The following LPGAT1 variants were observed in gnomAD, a reference collection of about 807,000 sequenced individuals.
LPGAT1 encodes acyl-CoA:lysophosphatidylglycerol acyltransferase 1.
A neutral mutation model predicts 47.5 loss-of-function variants in LPGAT1; 11 were observed. The observed-to-expected ratio is 0.23, with a 90% confidence interval of 0.15 to 0.38. The LOEUF (loss-of-function observed/expected upper bound fraction) is 0.38. Ranked by LOEUF, LPGAT1 falls within the 10% of genes least tolerant of loss-of-function variation. The pLI, the probability that LPGAT1 is intolerant of heterozygous loss-of-function variation, is 1.00. For missense variants in LPGAT1, 293 were observed against 439.0 expected (o/e 0.67, Z 2.97); for synonymous variants, 138 against 144.2 (o/e 0.96, Z 0.31).
intron 2 of LPGAT1, among the ~76,000 whole-genome samples, chr1:211,812,373 A>G (rs1241161868): frequency 6.6e-6 from 1 of 152,242 alleles, no homozygotes; most frequent in Admixed American, 6.5e-5. Flanking sequence ...TGATTAATGT[A>G]AGCATATGAC....
chr1:211,829,019 T>C lies in LPGAT1; in HGVS notation c.238+40A>G, dbSNP rs780354776. ...ACATTTAATCATGGTTCCTGACAAA[T>C]TTTTTCTTATGCATTAAAGAAAAGT... On this transcript the variant is annotated intron_variant, in intron 2 of 7. Coordinates refer to ENST00000366997, the MANE Select transcript of LPGAT1 (RefSeq NM_014873.3). The C allele has an allele frequency of 6.2e-6, 10 of 1,600,432 alleles. No homozygotes were observed. The Middle Eastern group carries it at 5.0e-4, about 80-fold the overall frequency.
chr1:211,783,494 A>G lies in LPGAT1; in HGVS notation c.462T>C (p.Ser154=), dbSNP rs768390051. Residue 154 remains serine (S), a synonymous_variant, in exon 5 of 8, where the codon TCT becomes TCC. Transcript: ENST00000366997. ...HGDFFIRQGR[S]YRDQQLLLLK... is the part of the protein sequence containing the mutation. The stretch of plus-strand genomic sequence containing the variant: ...GAAGCAGCAGCTGTTGGTCACGATA[A>G]GATCTTCCCTAGAAGGTACACACAC... 1.2e-6 allele frequency: 2 copies of G among 1,613,060 alleles called. No individual in the cohort carries two copies. Among genetic ancestry groups the G allele is most frequent in the East Asian group, 4.5e-5 (2 of 44,856 alleles).
intron 6 of LPGAT1, among the ~76,000 whole-genome samples, chr1:211,776,543 A>C (rs935928443): frequency 2.7e-4 from 41 of 152,242 alleles, no homozygotes; most frequent in African/African-American, 9.6e-4. Context: ...ACAAACTAGC[A>C]ATAGTACTGA....
intron 2 of LPGAT1, among the ~76,000 whole-genome samples, chr1:211,799,282 T>C (rs1659473821): frequency 6.6e-6 from 1 of 152,030 alleles, no homozygotes; most frequent in South Asian, 2.1e-4. Context: ...ATATAAATAA[T>C]AATCTTAATA....
rs554732019 is a variant in LPGAT1 at position 211,806,818 on chromosome 1, G to A, written c.239-13628C>T. Among the ~76,000 whole-genome samples, 19 of 152,158 alleles carry A rather than the reference G, an allele frequency of 1.2e-4. No individual in the cohort carries two copies. In the East Asian group the frequency reaches 2.9e-3, roughly 23 times the overall value. On this transcript the variant is annotated intron_variant, in intron 2 of 7. Coordinates refer to ENST00000366997, the MANE Select transcript of LPGAT1 (RefSeq NM_014873.3). ...TCCTCAGTGTGATAAAGTTTTAAAC[G>A]TAAAACCTACAACAAACATAGTATT...
At chr1:211,793,307 C>A in intron 2 of LPGAT1, 117 bp from the exon 3 acceptor site, 1 of 568,944 alleles carries the variant, frequency 1.8e-6, no homozygotes, top group Non-Finnish European at 3.1e-6. Context: ...CTAAAACATC[C>A]GAAAGTTTAG....
chr1:211,789,995 T>C (rs1160201267), intron 3 of LPGAT1, among the ~76,000 whole-genome samples: 1 of 152,206 alleles, frequency 6.6e-6, no homozygotes, highest in African/African-American at 2.4e-5. Context: ...GATAGGTCTG[T>C]CCCTCAGAAC....
intron 6 of LPGAT1, among the ~76,000 whole-genome samples, chr1:211,774,425 C>CT: frequency 6.6e-6 from 1 of 152,124 alleles, no homozygotes; most frequent in South Asian, 2.1e-4. Flanking sequence ...CTGAAAGACT[C>CT]TTTTACCTGT....
chr1:211,787,395 T>A (rs1658924061), intron 4 of LPGAT1, among the ~76,000 whole-genome samples: 1 of 148,266 alleles, frequency 6.7e-6, no homozygotes. Context: ...GGCTGAGGCA[T>A]GAGAATCACT....
intron 2 of LPGAT1, among the ~76,000 whole-genome samples, chr1:211,821,960 T>G (rs896422947): frequency 6.6e-6 from 1 of 152,170 alleles, no homozygotes; most frequent in Non-Finnish European, 1.5e-5. Flanking sequence ...AATATAAATA[T>G]GGATTCAACT....
rs1659203946 is a variant in LPGAT1 at position 211,793,144 on chromosome 1, T to A, written c.285A>T (p.Ala95=). ...EDIKAVSKDE[A]VMLVNHQATG... Reference sequence around the variant, plus strand: ...TTGCCTGATGATTCACCAACATCACTGCTTCATCTTTTGAAACTGCTTTAA... The same window carrying A: ...TTGCCTGATGATTCACCAACATCACAGCTTCATCTTTTGAAACTGCTTTAA... The change falls in exon 3 of 8, where the codon GCA becomes GCT. Residue 95 remains alanine, a synonymous_variant. Coordinates refer to ENST00000366997, the MANE Select transcript of LPGAT1 (RefSeq NM_014873.3). The A allele has an allele frequency of 1.2e-6, 2 of 1,611,374 alleles. No homozygotes were observed. Among genetic ancestry groups the A allele is most frequent in the South Asian group, 1.1e-5 (1 of 90,776 alleles).
intron 2 of LPGAT1, among the ~76,000 whole-genome samples, chr1:211,803,385 A>G (rs1404043825): frequency 1.3e-5 from 2 of 152,220 alleles, no homozygotes; most frequent in African/African-American, 4.8e-5. Flanking sequence ...GATAATCAGG[A>G]TGTCGGCTGT....
At chr1:211,770,601 T>C (rs1658124255) in intron 6 of LPGAT1, among the ~76,000 whole-genome samples, 1 of 152,228 alleles carries the variant, frequency 6.6e-6, no homozygotes, top group Admixed American at 6.5e-5. Flanking sequence ...TGCCTAGTGA[T>C]GTCATAGTCA....
At chr1:211,781,331 C>T (rs1336395123) in intron 5 of LPGAT1, among the ~76,000 whole-genome samples, 2 of 152,320 alleles carry the variant, frequency 1.3e-5, no homozygotes, top group Middle Eastern at 3.4e-3. Context: ...GAGATCTAGA[C>T]CACTACAGGG....
intron 6 of LPGAT1, among the ~76,000 whole-genome samples, chr1:211,768,508 A>G (rs1658032637): frequency 6.6e-6 from 1 of 152,204 alleles, no homozygotes; most frequent in South Asian, 2.1e-4. Context: ...AACAACATTT[A>G]TCGTTTAGAC....
rs1056058695 is a variant in LPGAT1, at chr1:211,744,298, C to T, written c.*5601G>A. ...CCAGTGGTCACATTTTAGAATTTTG[C>T]CTGCAGTTGTTAAGCATTGGTTATG... On this transcript the variant is annotated 3_prime_UTR_variant, in exon 8 of 8. Coordinates refer to ENST00000366997, the MANE Select transcript of LPGAT1 (RefSeq NM_014873.3). 6.6e-6 allele frequency: 1 copy of T among 152,142 alleles called. No homozygotes were observed. The highest frequency in any genetic ancestry group is 2.1e-4 in the South Asian group (1 of 4,816). 9.4% of individuals were successfully genotyped at this position (152,142 alleles called of 1,614,324 possible). A position where few individuals can be genotyped will look rare whatever the true frequency, so the allele number is the denominator to read the frequency against.
chr1:211,803,391 G>T (rs186954002), intron 2 of LPGAT1, among the ~76,000 whole-genome samples: 3 of 152,308 alleles, frequency 2.0e-5, no homozygotes, highest in Non-Finnish European at 1.5e-5. Context: ...CAGGATGTCG[G>T]CTGTATACCA....
In LPGAT1 at chr1:211,749,577, C is replaced by G; in HGVS notation, c.*322G>C. The G allele has an allele frequency of 7.0e-6, 2 of 285,248 alleles. No individual in the cohort carries two copies. Among genetic ancestry groups the G allele is most frequent in the South Asian group, 7.5e-5 (2 of 26,690 alleles). The allele number at this position is 285,248 out of a possible 1,614,324, so 17.7% of individuals were successfully genotyped here. On this transcript the variant is annotated 3_prime_UTR_variant, in exon 8 of 8. Transcript: ENST00000366997. ...GCTTCAACTAAATTGTCAAGTATAA[C>G]TGGTGGCAACAGAATTTCTCTCAGA...
At chr1:211,803,275 T>A in intron 2 of LPGAT1, among the ~76,000 whole-genome samples, 1 of 151,764 alleles carries the variant, frequency 6.6e-6, no homozygotes, top group African/African-American at 2.4e-5. Flanking sequence ...TTCACTAAAA[T>A]GAGAAATAAA....
Sources: gnomAD v4.1 joint callset for allele counts (sites outside exome capture counted in the v4.1 genomes callset) on GRCh38, gnomAD v4.1.1 for gene constraint, MANE v1.5 for transcripts, NCBI Gene and HGNC (gene_info 2026-07-23, HGNC 2026-07-21) for gene names.